The following NKAIN2 variants were observed in gnomAD, a reference collection of about 807,000 sequenced individuals.
NKAIN2 encodes sodium/potassium-transporting ATPase subunit beta-1-interacting protein 2.
Under a neutral mutation model 32.6 loss-of-function variants are expected in NKAIN2, and 14 were observed. The ratio of observed to expected loss-of-function variants is 0.43; its 90% CI spans 0.28 to 0.67. The LOEUF is 0.67. NKAIN2 is among the 30% of genes least tolerant of loss of function. NKAIN2 has a pLI of 0.17. For synonymous variants in NKAIN2, 80 were observed against 87.2 expected, an observed-to-expected ratio of 0.92 and a Z score of 0.46; for missense variants, 198 against 258.3, an observed-to-expected ratio of 0.77 and a Z score of 1.60.
intron 1 of NKAIN2, among the ~76,000 whole-genome samples, chr6:124,037,117 C>A (rs571348593): frequency 6.6e-6 from 1 of 152,028 alleles, no homozygotes; most frequent in East Asian, 1.9e-4. Flanking sequence ...CATTGTCAGG[C>A]AGAGAGGCGA....
intron 1 of NKAIN2, among the ~76,000 whole-genome samples, chr6:124,223,795 T>C (rs1266069549): frequency 6.6e-6 from 1 of 152,186 alleles, no homozygotes. Flanking sequence ...TTGCTTCCAG[T>C]GAGTCATCTG....
chr6:124,210,094 A>G (rs1191655495), intron 1 of NKAIN2, among the ~76,000 whole-genome samples: 1 of 151,718 alleles, frequency 6.6e-6, no homozygotes, highest in Non-Finnish European at 1.5e-5. Flanking sequence ...CTTACATTTA[A>G]GTCTTTCATC....
At chr6:124,606,747 T>C (rs1363362018) in intron 3 of NKAIN2, among the ~76,000 whole-genome samples, 1 of 152,142 alleles carries the variant, frequency 6.6e-6, no homozygotes, top group Non-Finnish European at 1.5e-5. Context: ...CTTCATTAAG[T>C]AGCATCTATA....
At chr6:124,689,416 C>T (rs891544562) in intron 4 of NKAIN2, among the ~76,000 whole-genome samples, 1 of 151,924 alleles carries the variant, frequency 6.6e-6, no homozygotes, top group African/African-American at 2.4e-5. Context: ...CTTTTCTTTT[C>T]ATTCTCTTGA....
At chr6:124,455,787 TAA>T (rs554883865) in intron 3 of NKAIN2, among the ~76,000 whole-genome samples, 30 of 151,994 alleles carry the variant, frequency 2.0e-4, no homozygotes, top group Admixed American at 3.3e-4. Flanking sequence ...GTATAATATA[TAA>T]GTGTAATATA....
chr6:124,715,891 G>A (rs1775728561), intron 4 of NKAIN2, among the ~76,000 whole-genome samples: 1 of 152,182 alleles, frequency 6.6e-6, no homozygotes, highest in African/African-American at 2.4e-5. Context: ...GTGGTTGATA[G>A]AGGAGGCACA....
chr6:124,671,772 C>A (rs1324409249), intron 4 of NKAIN2, among the ~76,000 whole-genome samples: 1 of 151,946 alleles, frequency 6.6e-6, no homozygotes, highest in Non-Finnish European at 1.5e-5. Context: ...ATTTAAAAAT[C>A]TCTTCGTTCT....
chr6:123,913,863 A>G (rs903694482), intron 1 of NKAIN2, among the ~76,000 whole-genome samples: 1 of 152,170 alleles, frequency 6.6e-6, no homozygotes, highest in African/African-American at 2.4e-5. Context: ...TCCTCAGGCA[A>G]TATAATTAAT....
intron 3 of NKAIN2, among the ~76,000 whole-genome samples, chr6:124,490,790 T>C (rs2114723689): frequency 6.6e-6 from 1 of 151,888 alleles, no homozygotes; most frequent in African/African-American, 2.4e-5. Flanking sequence ...AAAATAAATA[T>C]TTTTATGTTT....
intron 1 of NKAIN2, among the ~76,000 whole-genome samples, chr6:123,908,628 T>C (rs925403665): frequency 1.3e-5 from 2 of 152,016 alleles, no homozygotes; most frequent in Non-Finnish European, 2.9e-5. Context: ...ATTTTCAAAA[T>C]TGAAATACAT....
intron 1 of NKAIN2, among the ~76,000 whole-genome samples, chr6:123,908,636 C>A (rs1775009889): frequency 6.6e-6 from 1 of 151,262 alleles, no homozygotes; most frequent in South Asian, 2.2e-4. Context: ...AATTGAAATA[C>A]ATTTTAAAAG....
intron 1 of NKAIN2, among the ~76,000 whole-genome samples, chr6:124,118,227 T>A (rs539431971): frequency 9.9e-5 from 15 of 151,978 alleles, no homozygotes; most frequent in Non-Finnish European, 8.8e-5. Context: ...CAACCTTAAT[T>A]TAAAAAGAGG....
intron 5 of NKAIN2, among the ~76,000 whole-genome samples, chr6:124,797,674 A>G (rs962346404): frequency 1.3e-5 from 2 of 152,274 alleles, no homozygotes; most frequent in African/African-American, 4.8e-5. Context: ...TTTTTCTTCT[A>G]AAGCCTGCTG....
At chr6:124,108,253 C>A (rs948940826) in intron 1 of NKAIN2, among the ~76,000 whole-genome samples, 1 of 151,980 alleles carries the variant, frequency 6.6e-6, no homozygotes, top group African/African-American at 2.4e-5. Context: ...TTTTAATTTA[C>A]CTTTCCTGAT....
intron 1 of NKAIN2, among the ~76,000 whole-genome samples, chr6:124,217,124 A>G (rs1200140785): frequency 6.6e-6 from 1 of 152,190 alleles, no homozygotes; most frequent in African/African-American, 2.4e-5. Flanking sequence ...GCTAAAATTA[A>G]TATCCTAAAG....
At chr6:124,712,572 C>A (rs1562339487) in intron 4 of NKAIN2, among the ~76,000 whole-genome samples, 1 of 138,794 alleles carries the variant, frequency 7.2e-6, no homozygotes, top group Admixed American at 7.1e-5. Context: ...GTGGGAGTGA[C>A]CCGATTTTCC....
chr6:124,777,947 T>TCACACACACA (rs142387344), intron 4 of NKAIN2, among the ~76,000 whole-genome samples: 4 of 146,850 alleles, frequency 2.7e-5, no homozygotes, highest in African/African-American at 7.5e-5. Flanking sequence ...GAAATCACAT[T>TCACACACACA]CACACACACA....
intron 1 of NKAIN2, among the ~76,000 whole-genome samples, chr6:124,181,092 C>T (rs1203058691): frequency 2.0e-5 from 3 of 152,172 alleles, no homozygotes; most frequent in African/African-American, 7.2e-5. Context: ...GGTTCCCAAA[C>T]CTCAATTCTT....
At chr6:124,268,553 A>T (rs1304223376) in intron 1 of NKAIN2, among the ~76,000 whole-genome samples, 1 of 152,108 alleles carries the variant, frequency 6.6e-6, no homozygotes. Context: ...TATTACTTAC[A>T]TATTTTTATT....
Sources: gnomAD v4.1 joint callset for allele counts (sites outside exome capture counted in the v4.1 genomes callset) on GRCh38, gnomAD v4.1.1 for gene constraint, MANE v1.5 for transcripts, NCBI Gene and HGNC (gene_info 2026-07-23, HGNC 2026-07-21) for gene names.